The following MRTFA variants were observed in gnomAD, a reference collection of about 807,000 sequenced individuals.
The protein encoded by MRTFA is myocardin related transcription factor A.
Under a neutral mutation model 83.5 loss-of-function variants are expected in MRTFA, and 20 were observed. The ratio of observed to expected loss-of-function variants is 0.24; its 90% CI spans 0.17 to 0.35. The LOEUF (loss-of-function observed/expected upper bound fraction) is 0.35. MRTFA is among the 10% of genes least tolerant of loss of function. The pLI, the probability that MRTFA is intolerant of heterozygous loss-of-function variation, is 1.00. For missense variants in MRTFA, 1,200 were observed against 1,224.7 expected (o/e 0.98, Z 0.30); for synonymous variants, 659 against 541.2 (o/e 1.22, Z -3.02).
At chr22:40,593,117 T>C (rs1449255222) in intron 2 of MRTFA, among the ~76,000 whole-genome samples, 2 of 152,048 alleles carry the variant, frequency 1.3e-5, no homozygotes, top group Non-Finnish European at 2.9e-5. Flanking sequence ...CAGGTGTCTC[T>C]AATTTCAAAC....
intron 3 of MRTFA, among the ~76,000 whole-genome samples, chr22:40,539,905 C>CTTT (rs367760561): frequency 3.9e-5 from 5 of 127,340 alleles, no homozygotes; most frequent in Admixed American, 8.0e-5. Flanking sequence ...TCACGGTTAT[C>CTTT]TTTTTTTTTT....
At chr22:40,468,844 G>C (rs73167062) in intron 3 of MRTFA, among the ~76,000 whole-genome samples, 13,128 of 152,142 alleles carry the variant, frequency 0.086, 820 homozygotes, top group East Asian at 0.24. Flanking sequence ...CATACTTCAG[G>C]GGGGAAACTG....
chr22:40,580,115 C>T (rs2055925004), intron 2 of MRTFA, among the ~76,000 whole-genome samples: 1 of 152,132 alleles, frequency 6.6e-6, no homozygotes, highest in South Asian at 2.1e-4. Context: ...TAGGATGAAT[C>T]ATTTTTAGGA....
chr22:40,473,092 C>A (rs1025472647), intron 3 of MRTFA, among the ~76,000 whole-genome samples: 14 of 152,026 alleles, frequency 9.2e-5, no homozygotes, highest in African/African-American at 3.1e-4. Flanking sequence ...TTAATGCATA[C>A]GATATGATGC....
intron 14 of MRTFA, among the ~76,000 whole-genome samples, chr22:40,413,720 G>A (rs748949529): frequency 5.3e-5 from 8 of 152,142 alleles, no homozygotes; most frequent in Non-Finnish European, 7.4e-5. Context: ...TGGGATTACA[G>A]GCGTGAGCTA....
At chr22:40,499,865 A>C (rs2054426245) in intron 3 of MRTFA, among the ~76,000 whole-genome samples, 1 of 151,498 alleles carries the variant, frequency 6.6e-6, no homozygotes, top group South Asian at 2.1e-4. Flanking sequence ...CAGCCCAAAA[A>C]CAAGTATTTA....
intron 3 of MRTFA, among the ~76,000 whole-genome samples, chr22:40,513,562 T>C (rs908661542): frequency 6.8e-6 from 1 of 147,376 alleles, no homozygotes; most frequent in Non-Finnish European, 1.5e-5. Context: ...GATCACACCA[T>C]TGCACTGCAG....
chr22:40,544,958 A>AAAT (rs2055340723), intron 3 of MRTFA, among the ~76,000 whole-genome samples: 1 of 149,880 alleles, frequency 6.7e-6, no homozygotes, highest in Non-Finnish European at 1.5e-5. Flanking sequence ...AAATAAAATA[A>AAAT]ATATATATAT....
At chr22:40,412,318 T>A (rs1476189752) in intron 14 of MRTFA, 1 of 153,998 alleles carries the variant, frequency 6.5e-6, no homozygotes, top group East Asian at 1.9e-4. Flanking sequence ...AAATTAAATT[T>A]TTAAGAAAGT....
In MRTFA at chr22:40,528,643, A is replaced by C. The variant is rs529822465; in HGVS notation, c.241+23463T>G. Among the ~76,000 whole-genome samples the C allele has an allele frequency of 4.3e-4, 66 of 151,884 alleles. 2 individuals carry two copies. In the East Asian group the frequency reaches 0.013, roughly 30 times the overall value. On this transcript the variant is annotated intron_variant, in intron 3 of 14. Transcript: ENST00000355630. ...TCCCAGCTACTCAGGAGGCTGAGGC[A>C]GGAGAATCGCTTGAACTCGGGAGGT...
chr22:40,533,535 T>C (rs2055118202), intron 3 of MRTFA: 1 of 1,107,080 alleles, frequency 9.0e-7, no homozygotes, highest in Non-Finnish European at 1.1e-6. Context: ...CTGTGGCAAA[T>C]AAGATTTGTA....
In MRTFA at chr22:40,586,033, G is replaced by A. The variant is rs912930833; in HGVS notation, c.-22+8641C>T. On this transcript the variant is annotated intron_variant, in intron 2 of 14. Coordinates refer to ENST00000355630, the MANE Select transcript of MRTFA (RefSeq NM_020831.6). ...TTGTTTTAGATATCGATATACTTAC[G>A]TGTGTATTGGGTCTGAATGTAAAAT... 5.9e-5 allele frequency among the ~76,000 whole-genome samples: 9 copies of A among 152,228 alleles called. No individual in the cohort carries two copies. In the East Asian group the frequency reaches 9.6e-4, roughly 16 times the overall value.
intron 7 of MRTFA, among the ~76,000 whole-genome samples, chr22:40,426,054 C>T (rs1471152853): frequency 6.6e-6 from 1 of 152,122 alleles, no homozygotes; most frequent in Non-Finnish European, 1.5e-5. Context: ...TCCTGGAGGA[C>T]AGGACTTAAA....
rs60761496 is a variant in MRTFA, at chr22:40,538,577, T to C, written c.241+13529A>G. On this transcript the variant is annotated intron_variant, in intron 3 of 14. Transcript: ENST00000355630. Reference sequence around the variant, plus strand: ...AAGAATTATCAATAAAAAAATAAATTAAAAAAAAAATTAAACAAGAAGCAA... The same window carrying C: ...AAGAATTATCAATAAAAAAATAAATCAAAAAAAAAATTAAACAAGAAGCAA... 5.8e-3 allele frequency among the ~76,000 whole-genome samples: 866 copies of C among 150,470 alleles called. 10 individuals are homozygous for C. Among genetic ancestry groups the C allele is most frequent in the African/African-American group, 0.021 (840 of 40,922 alleles).
chr22:40,524,291 G>A (rs2054922646), intron 3 of MRTFA, among the ~76,000 whole-genome samples: 1 of 152,130 alleles, frequency 6.6e-6, no homozygotes, highest in Middle Eastern at 3.4e-3. Context: ...GTGAGACCCT[G>A]GCTCAAAAAT....
At chr22:40,470,195 G>A (rs1403598255) in intron 3 of MRTFA, among the ~76,000 whole-genome samples, 1 of 133,358 alleles carries the variant, frequency 7.5e-6, no homozygotes, top group African/African-American at 3.0e-5. Flanking sequence ...CTGCATTCTA[G>A]CCTGGGTGAC....
At position 40,508,579 on chromosome 22, in the gene MRTFA, A is replaced by ATGTATTCTG. The variant is rs1430948882; in HGVS notation, c.241+43518_241+43526dup. 4.0e-5 allele frequency among the ~76,000 whole-genome samples: 6 copies of ATGTATTCTG among 151,698 alleles called. No homozygotes were observed. In the East Asian group the frequency reaches 1.2e-3, roughly 29 times the overall value. On this transcript the variant is annotated intron_variant, in intron 3 of 14. Transcript: ENST00000355630. ...CTCATTACCACTTTCTATGGATATA[A>ATGTATTCTG]TGTATTCTGTTCATACTGAAATCTT...
At chr22:40,453,899 T>C (rs2053540299) in intron 4 of MRTFA, among the ~76,000 whole-genome samples, 1 of 152,078 alleles carries the variant, frequency 6.6e-6, no homozygotes, top group African/African-American at 2.4e-5. Context: ...CACTTGTTTG[T>C]TTGCTTTCAA....
chr22:40,506,277 AT>A (rs1434392987), intron 3 of MRTFA, among the ~76,000 whole-genome samples: 2 of 152,174 alleles, frequency 1.3e-5, no homozygotes, highest in African/African-American at 4.8e-5. Flanking sequence ...TATGACACCA[AT>A]TCTTTGATAA....
Sources: allele counts gnomAD v4.1 joint callset (sites outside exome capture counted in the v4.1 genomes callset), GRCh38; gene constraint gnomAD v4.1.1; transcripts MANE v1.5; gene names NCBI Gene and HGNC (gene_info 2026-07-23, HGNC 2026-07-21).